STRIP1: variants seen among roughly 807,000 people sequenced by gnomAD.
STRIP1 encodes the protein striatin-interacting protein 1.
In STRIP1, 63 loss-of-function variants were observed where a neutral mutation model predicts 106.2. That is an observed-to-expected ratio of 0.59 (90% CI 0.48 to 0.73). The LOEUF is 0.73. STRIP1 is among the 30% of genes least tolerant of loss of function. The pLI is 0.00. For synonymous variants in STRIP1, 390 were observed against 413.0 expected (o/e 0.94, Z 0.67); for missense variants, 857 against 1,074.8 (o/e 0.80, Z 2.83).
intron 15 of STRIP1, 101 bp from the exon 16 acceptor site, chr1:110,049,011 A>T (rs1653161898): frequency 1.4e-6 from 2 of 1,388,132 alleles, no homozygotes; most frequent in Admixed American, 1.9e-5. Context: ...GGGAGGTAGG[A>T]GTCTTTGCCC....
intron 20 of STRIP1, among the ~76,000 whole-genome samples, chr1:110,052,582 C>T (rs528848585): frequency 2.0e-5 from 3 of 152,030 alleles, no homozygotes; most frequent in African/African-American, 7.3e-5. Context: ...CGATTCTCCC[C>T]CCTCAGCCTC....
At chr1:110,043,043 T>C (rs1248441502) in intron 8 of STRIP1, 45 bp from the exon 9 acceptor site, 3 of 1,558,324 alleles carry the variant, frequency 1.9e-6, no homozygotes, top group Non-Finnish European at 2.6e-6. Flanking sequence ...GGGGCCAGCC[T>C]GTGGACACAT....
chr1:110,043,792 C>T lies in STRIP1; in HGVS notation c.1222C>T (p.Leu408=), dbSNP rs1426068827. ...LERDEVMPPP[L]QHPQTDRLTC... is the part of the protein sequence containing the mutation. ...ACGGGATGAAGTGATGCCTCCCCCG[C>T]TACAGCACCCACAGACTGACAGGCT... Residue 408 remains leucine (L), a synonymous_variant, in exon 10 of 21, where the codon CTA becomes TTA. Transcript: ENST00000369795. The T allele has an allele frequency of 6.2e-7, 1 of 1,614,194 alleles. No individual in the cohort carries two copies. The highest frequency in any genetic ancestry group is 1.1e-5 in the South Asian group (1 of 91,088).
intron 16 of STRIP1, 37 bp downstream of exon 16, chr1:110,049,275 G>A: frequency 6.2e-7 from 1 of 1,613,274 alleles, no homozygotes; most frequent in East Asian, 2.2e-5. Context: ...CTGTGGGCTG[G>A]GGCCTCGGGC....
Position 110,051,685 on chromosome 1 carries a change from G to C in STRIP1, c.2064G>C (p.Met688Ile). 6.2e-7 allele frequency: 1 copy of C among 1,601,798 alleles called. No individual in the cohort carries two copies. Among genetic ancestry groups the C allele is most frequent in the East Asian group, 2.2e-5 (1 of 44,522 alleles). The change falls in exon 20 of 21, where the codon ATG becomes ATC. Residue 688 changes from methionine to isoleucine, a missense_variant and splice_region_variant. Physicochemically the swap from Met to Ile is conservative, Grantham distance 10. Transcript: ENST00000369795. ...TGCTTGCTTGTTTCCCTTCCCAGAT[G>C]CTGGTGGTGTTCAAGTCAGCCCCCA... ...LTKWKHSRTM[M>I]LVVFKSAPIL...
chr1:110,039,371 A>T lies in STRIP1; in HGVS notation c.461-24A>T, dbSNP rs925447852. 4 of 1,614,012 alleles carry T rather than the reference A, an allele frequency of 2.5e-6. No homozygotes were observed. In the African/African-American group the frequency reaches 5.3e-5, roughly 22 times the overall value. On this transcript the variant is annotated intron_variant, in intron 4 of 20. Coordinates refer to ENST00000369795, the MANE Select transcript of STRIP1 (RefSeq NM_033088.4). ...CCCACTCAGATGCAGGGAGGGGCTC[A>T]GTGAGTTGAACCCTGCATTGCAGGC... is the stretch of plus-strand genomic sequence containing the variant.
At position 110,053,808 on chromosome 1, in the gene STRIP1, G is replaced by T; in HGVS notation, c.2410G>T (p.Gly804Cys). The change falls in exon 21 of 21, where the codon GGC (glycine) becomes TGC (cysteine). Residue 804 changes from glycine to cysteine, a missense_variant. Gly to Cys is a radical substitution (Grantham distance 159, BLOSUM62 -3). Transcript: ENST00000369795. ...PVDNCLQSVLGQRVDLPEDFQ... is the reference protein window; with the variant it reads ...PVDNCLQSVLCQRVDLPEDFQ... ...GGACAACTGCCTGCAGAGTGTCCTGGGCCAACGGGTGGACCTCCCTGAGGA... is the reference window on the plus strand; with the variant it reads ...GGACAACTGCCTGCAGAGTGTCCTGTGCCAACGGGTGGACCTCCCTGAGGA... 6.2e-7 allele frequency: 1 copy of T among 1,614,134 alleles called. No individual in the cohort carries two copies. Among genetic ancestry groups the T allele is most frequent in the South Asian group, 1.1e-5 (1 of 91,080 alleles).
rs1652357166 is a variant in STRIP1, at chr1:110,034,798, A to G, written c.161A>G (p.Asn54Ser). 1.4e-6 allele frequency: 2 copies of G among 1,419,454 alleles called. No homozygotes were observed. Among genetic ancestry groups the G allele is most frequent in the African/African-American group, 1.5e-5 (1 of 65,614 alleles). 87.9% of individuals were successfully genotyped at this position (1,419,454 alleles called of 1,614,324 possible). A position where few individuals can be genotyped will look rare whatever the true frequency, so the allele number is the denominator to read the frequency against. ...GGCAAAGCCCGCGAGTTCAACCGCA[A>G]CCAGCGCAAAGACTCAGAGGTCAGG... ...PGGKAREFNR[N>S]QRKDSEGYSE... Residue 54 changes from asparagine (N) to serine (S), a missense_variant, in exon 1 of 21, where the codon AAC (asparagine) becomes AGC (serine). By Grantham distance (46) the Asn-to-Ser change is conservative. Coordinates refer to ENST00000369795, the MANE Select transcript of STRIP1 (RefSeq NM_033088.4).
At position 110,044,344 on chromosome 1, in the gene STRIP1, A is replaced by G. The variant is rs568302050; in HGVS notation, c.1286+488A>G. Among the ~76,000 whole-genome samples the G allele has an allele frequency of 3.9e-5, 6 of 152,374 alleles. No homozygotes were observed. The South Asian group carries it at 8.3e-4, about 21-fold the overall frequency. ...GCAGCAGCTTAAGAAATAGATGAAC[A>G]TGTGAGAGGATATAGAAGTCGCTTT... On this transcript the variant is annotated intron_variant, in intron 10 of 20. Transcript: ENST00000369795.
rs201481769 is a variant in STRIP1, at chr1:110,049,576, G to T, written c.1889+16G>T. On this transcript the variant is annotated intron_variant, in intron 17 of 20. Coordinates refer to ENST00000369795, the MANE Select transcript of STRIP1 (RefSeq NM_033088.4). Reference sequence around the variant, plus strand: ...CCAAGAACAGGTGATGAGGGCCAGGGACCATGAAGGGGTGGATATGGTCAG... The same window carrying T: ...CCAAGAACAGGTGATGAGGGCCAGGTACCATGAAGGGGTGGATATGGTCAG... 1.3e-6 allele frequency: 2 copies of T among 1,561,628 alleles called. No homozygotes were observed. Among genetic ancestry groups the T allele is most frequent in the Non-Finnish European group, 1.8e-6 (2 of 1,136,082 alleles).
At chr1:110,042,894 C>G (rs1652831326) in intron 8 of STRIP1, 194 bp from the exon 9 acceptor site, 1 of 568,572 alleles carries the variant, frequency 1.8e-6, no homozygotes, top group African/African-American at 1.9e-5. Flanking sequence ...TTTCCTTGTT[C>G]CTTTTTCTCC....
chr1:110,044,813 T>A (rs963092258), intron 10 of STRIP1, 27 bp from the exon 11 acceptor site: 1 of 1,612,348 alleles, frequency 6.2e-7, no homozygotes, highest in Non-Finnish European at 8.5e-7. Flanking sequence ...ACCTTTTTTC[T>A]TTCTCTCTTT....
Position 110,047,799 on chromosome 1 carries a change from G to A in STRIP1, c.1591G>A (p.Ala531Thr). The A allele has an allele frequency of 6.4e-7, 1 of 1,571,118 alleles. No individual in the cohort carries two copies. The highest frequency in any genetic ancestry group is 8.6e-7 in the Non-Finnish European group (1 of 1,156,916). Residue 531 changes from alanine to threonine, a missense_variant, in exon 15 of 21, where the codon GCA becomes ACA. By Grantham distance (58) the Ala-to-Thr change is moderately conservative. This residue lies in a region of STRIP1 where 750 missense variants were observed against 989.8 expected (regional missense o/e 0.76). Transcript: ENST00000369795. ...TGCCCTCCTGAAGATCCTGTTGGCT[G>A]CAGCACCCACCTCAAAAGCCAAAAC... ...MIALLKILLAAAPTSKAKTDS... is the reference protein window; with the variant it reads ...MIALLKILLATAPTSKAKTDS...
At position 110,039,410 on chromosome 1, in the gene STRIP1, G is replaced by A; in HGVS notation, c.476G>A (p.Cys159Tyr). The A allele has an allele frequency of 1.9e-6, 3 of 1,614,150 alleles. No homozygotes were observed. The highest frequency in any genetic ancestry group is 2.5e-6 in the Non-Finnish European group (3 of 1,180,014). The change falls in exon 5 of 21, where the codon TGC (cysteine) becomes TAC (tyrosine). Residue 159 changes from cysteine to tyrosine, a missense_variant. By Grantham distance (194) the Cys-to-Tyr change is radical. This residue lies in a region of STRIP1 where 750 missense variants were observed against 989.8 expected (regional missense o/e 0.76). Transcript: ENST00000369795. ...LYVAQGTFGE[C>Y]SSEAEVQSWM... ...TGCATTGCAGGCACGTTTGGGGAGT[G>A]CAGCTCGGAGGCAGAGGTGCAGTCC...
At chr1:110,052,784 T>C (rs921167250) in intron 20 of STRIP1, among the ~76,000 whole-genome samples, 4 of 152,182 alleles carry the variant, frequency 2.6e-5, no homozygotes, top group African/African-American at 9.7e-5. Context: ...CAGGGGGTTC[T>C]TGAACTCCTG....
intron 17 of STRIP1, chr1:110,050,086 G>T (rs986380383): frequency 8.5e-5 from 42 of 495,814 alleles, no homozygotes; most frequent in Non-Finnish European, 1.5e-5. Flanking sequence ...ATTGCTGTGG[G>T]GGAAGCTGTG....
At chr1:110,040,427 C>G (rs1652701518) in intron 5 of STRIP1, among the ~76,000 whole-genome samples, 1 of 152,214 alleles carries the variant, frequency 6.6e-6, no homozygotes, top group Non-Finnish European at 1.5e-5. Flanking sequence ...GGTGATCCAC[C>G]CGCCTCGGCC....
At chr1:110,049,952 A>G (rs1374318521) in intron 17 of STRIP1, 6 of 323,380 alleles carry the variant, frequency 1.9e-5, no homozygotes, top group South Asian at 1.2e-4. Context: ...GCCTGGTGCC[A>G]GCTGTGCTTG....
chr1:110,041,918 G>T (rs982501473), intron 8 of STRIP1, 57 bp downstream of exon 8: 3 of 1,534,634 alleles, frequency 2.0e-6, no homozygotes, highest in Non-Finnish European at 8.9e-7. Flanking sequence ...TAGGGAGACT[G>T]TTCCTTGAAT....
Sources: gnomAD v4.1 joint callset for allele counts (sites outside exome capture counted in the v4.1 genomes callset) on GRCh38, gnomAD v4.1.1 for gene constraint, gnomAD v4.1.1 regional missense constraint, MANE v1.5 for transcripts, NCBI Gene and HGNC (gene_info 2026-07-23, HGNC 2026-07-21) for gene names.